The following PCDH15 variants were observed in gnomAD, a reference collection of about 807,000 sequenced individuals.
PCDH15 encodes the protein protocadherin-15.
Under a neutral mutation model 178.5 loss-of-function variants are expected in PCDH15, and 129 were observed. The observed-to-expected ratio is 0.72, with a 90% CI of 0.63 to 0.84. The LOEUF (loss-of-function observed/expected upper bound fraction) is 0.84. Ranked by LOEUF, PCDH15 falls within the 40% of genes least tolerant of loss-of-function variation. The pLI, the probability that PCDH15 is intolerant of heterozygous loss-of-function variation, is 0.00. For missense variants in PCDH15, 2,230 were observed against 2,099.9 expected (o/e 1.06, Z -1.21); for synonymous variants, 800 against 732.0 (o/e 1.09, Z -1.50).
chr10:54,539,610 T>A (rs2084975344), intron 2 of PCDH15, among the ~76,000 whole-genome samples: 1 of 152,164 alleles, frequency 6.6e-6, no homozygotes, highest in Admixed American at 6.5e-5. Flanking sequence ...GAATTAAATT[T>A]GACACTTGAC....
intron 21 of PCDH15, among the ~76,000 whole-genome samples, chr10:53,971,308 G>C (rs2089657801): frequency 6.6e-6 from 1 of 152,008 alleles, no homozygotes; most frequent in African/African-American, 2.4e-5. Context: ...AGAGTTATTT[G>C]TGACAAACCC....
At chr10:55,034,248 AG>A (rs940694022) in intron 2 of PCDH15, among the ~76,000 whole-genome samples, 1 of 152,110 alleles carries the variant, frequency 6.6e-6, no homozygotes, top group Non-Finnish European at 1.5e-5. Flanking sequence ...CAACAAGTGA[AG>A]GGTTATAATG....
chr10:55,109,409 C>T (rs1178324094), intron 2 of PCDH15, among the ~76,000 whole-genome samples: 2 of 152,134 alleles, frequency 1.3e-5, no homozygotes, highest in Non-Finnish European at 2.9e-5. Flanking sequence ...TCTAAATTAA[C>T]ATGAAGCATC....
At chr10:55,359,839 A>T (rs1040133901) in intron 2 of PCDH15, among the ~76,000 whole-genome samples, 2 of 151,306 alleles carry the variant, frequency 1.3e-5, no homozygotes, top group African/African-American at 4.9e-5. Flanking sequence ...CATTGGTGAC[A>T]ATCTAGATGA....
intron 2 of PCDH15, among the ~76,000 whole-genome samples, chr10:55,049,942 T>C (rs1253373537): frequency 1.3e-5 from 2 of 152,010 alleles, no homozygotes; most frequent in Non-Finnish European, 2.9e-5. Context: ...ATCACTCCCT[T>C]TGATTTTTAA....
At chr10:54,515,204 T>C (rs1342648993) in intron 3 of PCDH15, among the ~76,000 whole-genome samples, 2 of 151,892 alleles carry the variant, frequency 1.3e-5, no homozygotes, top group Non-Finnish European at 2.9e-5. Context: ...ACTCAAGGGG[T>C]CAGGGAATTC....
chr10:54,502,670 GTAACCCA>G (rs2080805810), intron 3 of PCDH15, among the ~76,000 whole-genome samples: 1 of 152,032 alleles, frequency 6.6e-6, no homozygotes, highest in Admixed American at 6.6e-5. Context: ...TAGTATCAGA[GTAACCCA>G]TAAAGATAGG....
At chr10:54,151,499 C>T (rs577008255) in intron 14 of PCDH15, among the ~76,000 whole-genome samples, 7 of 151,988 alleles carry the variant, frequency 4.6e-5, no homozygotes, top group South Asian at 2.1e-4. Context: ...GGGATTGTGC[C>T]GCTACACTCT....
At chr10:55,113,981 C>T (rs1272500651) in intron 2 of PCDH15, among the ~76,000 whole-genome samples, 1 of 152,132 alleles carries the variant, frequency 6.6e-6, no homozygotes, top group Non-Finnish European at 1.5e-5. Context: ...ATCTCACTCT[C>T]TGTGTCGCCC....
At chr10:54,239,498 G>C (rs1205687611) in intron 8 of PCDH15, among the ~76,000 whole-genome samples, 1 of 151,604 alleles carries the variant, frequency 6.6e-6, no homozygotes, top group Non-Finnish European at 1.5e-5. Flanking sequence ...ATAATTAGAA[G>C]ATGAAAAACT....
At position 54,631,164 on chromosome 10, in the gene PCDH15, C is replaced by T. The variant is rs147561480; in HGVS notation, c.91+33008G>A. Reference sequence around the variant, plus strand: ...GTCCTCATGACAGTGAGTGAGTTCTCATGAGATCTGATCATTTATCATTTA... The same window carrying T: ...GTCCTCATGACAGTGAGTGAGTTCTTATGAGATCTGATCATTTATCATTTA... On this transcript the variant is annotated intron_variant, in intron 2 of 37. Coordinates refer to ENST00000644397, the MANE Select transcript of PCDH15 (RefSeq NM_001384140.1). 6.7e-3 allele frequency among the ~76,000 whole-genome samples: 1,023 copies of T among 152,206 alleles called. 15 individuals carry two copies. The highest frequency in any genetic ancestry group is 0.028 in the Admixed American group (435 of 15,272).
intron 2 of PCDH15, among the ~76,000 whole-genome samples, chr10:55,415,966 CA>C (rs765747888): frequency 2.6e-5 from 4 of 151,244 alleles, no homozygotes; most frequent in Non-Finnish European, 4.4e-5. Flanking sequence ...TAGCAAATTT[CA>C]AGTTTCAAAA....
intron 2 of PCDH15, among the ~76,000 whole-genome samples, chr10:55,130,691 GT>G (rs1564822631): frequency 8.4e-6 from 1 of 118,350 alleles, no homozygotes; most frequent in African/African-American, 3.3e-5. Context: ...GTGTGTGTGT[GT>G]GTGTGTGTGT....
intron 2 of PCDH15, among the ~76,000 whole-genome samples, chr10:55,476,987 C>A (rs186213894): frequency 6.6e-6 from 1 of 151,812 alleles, no homozygotes; most frequent in East Asian, 1.9e-4. Context: ...GATACTTCTT[C>A]GACAAATAAA....
At chr10:55,336,578 G>C (rs1485668330) in intron 2 of PCDH15, among the ~76,000 whole-genome samples, 1 of 152,044 alleles carries the variant, frequency 6.6e-6, no homozygotes, top group Non-Finnish European at 1.5e-5. Context: ...ATTCCAGAGG[G>C]TCTGTCCTAT....
At chr10:54,858,077 T>TA (rs1368308936) in intron 3 of PCDH15, among the ~76,000 whole-genome samples, 3 of 152,180 alleles carry the variant, frequency 2.0e-5, no homozygotes, top group Non-Finnish European at 4.4e-5. Flanking sequence ...ACCTTCTGAC[T>TA]AGCATCTCCC....
chr10:54,621,048 A>G (rs903732532), intron 2 of PCDH15, among the ~76,000 whole-genome samples: 41 of 152,030 alleles, frequency 2.7e-4, no homozygotes, highest in Non-Finnish European at 4.7e-4. Context: ...TCCCTAAGGT[A>G]CTGTGTAGGT....
chr10:55,401,512 CAGCTTATTACTGT>C (rs764981055), intron 2 of PCDH15, among the ~76,000 whole-genome samples: 3 of 151,704 alleles, frequency 2.0e-5, no homozygotes, highest in Admixed American at 1.3e-4. Flanking sequence ...CAATTATCTT[CAGCTTATTACTGT>C]AGCAGAGAAT....
chr10:55,062,108 C>T (rs1841449214), intron 2 of PCDH15, among the ~76,000 whole-genome samples: 1 of 152,182 alleles, frequency 6.6e-6, no homozygotes, highest in Non-Finnish European at 1.5e-5. Flanking sequence ...TCCAAAATGT[C>T]AACATTCAAA....
Sources: allele counts gnomAD v4.1 joint callset (sites outside exome capture counted in the v4.1 genomes callset), GRCh38; gene constraint gnomAD v4.1.1; transcripts MANE v1.5; gene names NCBI Gene and HGNC (gene_info 2026-07-23, HGNC 2026-07-21).